ZNF385D: variants seen among roughly 807,000 people sequenced by gnomAD.
ZNF385D encodes the protein zinc finger protein 385D, also known as zinc finger protein 659.
Under a neutral mutation model 35.8 loss-of-function variants are expected in ZNF385D, and 15 were observed. The ratio of observed to expected loss-of-function variants is 0.42; its 90% confidence interval spans 0.28 to 0.64. The LOEUF is 0.64. Among genes scored for constraint, ZNF385D ranks in the 30% least tolerant of loss-of-function variants. The pLI is 0.23. For missense variants in ZNF385D, 474 were observed against 494.6 expected (o/e 0.96, Z 0.39); for synonymous variants, 212 against 186.8 (o/e 1.13, Z -1.10).
intron 3 of ZNF385D, among the ~76,000 whole-genome samples, chr3:22,132,835 A>G (rs1465663792): frequency 1.3e-5 from 2 of 152,114 alleles, no homozygotes; most frequent in African/African-American, 2.4e-5. Context: ...TCTAAAAAAT[A>G]TATCTTATGT....
rs557874730 is a variant in ZNF385D, at chr3:22,035,920, G to A, written c.325+132897C>T. ...TGATAAATGATTAGGGACACAGGTG[G>A]TACTTTCACAGTTTTTTTTTCCAAG... On this transcript the variant is annotated intron_variant, in intron 3 of 5. Transcript: ENST00000494108. 5.5e-4 allele frequency among the ~76,000 whole-genome samples: 82 copies of A among 148,684 alleles called. 1 individual carries two copies. The South Asian group carries it at 0.011, about 20-fold the overall frequency.
In ZNF385D at chr3:21,465,416, A is replaced by G. The variant is rs1364190600; in HGVS notation, c.440-28213T>C. Among the ~76,000 whole-genome samples, 1 of 152,216 alleles carries G rather than the reference A, an allele frequency of 6.6e-6. No homozygotes were observed. Among genetic ancestry groups the G allele is most frequent in the Non-Finnish European group, 1.5e-5 (1 of 68,034 alleles). Reference sequence around the variant, plus strand: ...CTCTTTTCAAGATCAGTTGGAAGAGAAAGTTTCTTCTGCTCTTCCCAAGAG... The same window carrying G: ...CTCTTTTCAAGATCAGTTGGAAGAGGAAGTTTCTTCTGCTCTTCCCAAGAG... On this transcript the variant is annotated intron_variant, in intron 4 of 7. Transcript: ENST00000281523. The surrounding 1 kb of genome is among the most constrained non-coding windows in gnomAD (Gnocchi z 4.2).
intron 3 of ZNF385D, among the ~76,000 whole-genome samples, chr3:22,096,024 GA>G (rs1701602838): frequency 6.6e-6 from 1 of 151,840 alleles, no homozygotes; most frequent in African/African-American, 2.4e-5. Context: ...GGTTACTTTT[GA>G]AAATAAAGAA....
intron 2 of ZNF385D, among the ~76,000 whole-genome samples, chr3:22,346,774 T>C (rs1315588228): frequency 6.6e-6 from 1 of 152,300 alleles, no homozygotes; most frequent in South Asian, 2.1e-4. Context: ...ATACTAATCA[T>C]GAAAATACAG....
intron 2 of ZNF385D, among the ~76,000 whole-genome samples, chr3:22,324,875 G>C (rs558210309): frequency 6.6e-6 from 1 of 152,096 alleles, no homozygotes; most frequent in Admixed American, 6.5e-5. Flanking sequence ...GATTAAAAGA[G>C]AGATCCTACT....
intron 3 of ZNF385D, among the ~76,000 whole-genome samples, chr3:21,829,950 C>T (rs969158858): frequency 2.0e-5 from 3 of 151,810 alleles, no homozygotes; most frequent in Non-Finnish European, 4.4e-5. Context: ...ATGGTGAAAC[C>T]CCATCTCTAC....
At chr3:22,117,804 A>G (rs1055452006) in intron 3 of ZNF385D, among the ~76,000 whole-genome samples, 9 of 152,064 alleles carry the variant, frequency 5.9e-5, no homozygotes, top group African/African-American at 1.9e-4. Flanking sequence ...ACTTTTCTAT[A>G]TTACAGCATT....
At chr3:21,956,363 TTATTA>T (rs1419061389) in intron 3 of ZNF385D, among the ~76,000 whole-genome samples, 2 of 151,310 alleles carry the variant, frequency 1.3e-5, no homozygotes, top group East Asian at 1.9e-4. Context: ...ATTTTCACAC[TTATTA>T]TATTTTATAA....
intron 3 of ZNF385D, among the ~76,000 whole-genome samples, chr3:21,808,933 G>C (rs1004353407): frequency 6.6e-6 from 1 of 152,160 alleles, no homozygotes; most frequent in African/African-American, 2.4e-5. Flanking sequence ...ATTGACATTT[G>C]AACTACAGTT....
intron 2 of ZNF385D, among the ~76,000 whole-genome samples, chr3:22,244,863 T>G (rs950562486): frequency 7.0e-6 from 1 of 143,108 alleles, no homozygotes; most frequent in South Asian, 2.5e-4. Flanking sequence ...GGCTGGCATG[T>G]ACCCAGTCAA....
intron 4 of ZNF385D, among the ~76,000 whole-genome samples, chr3:21,441,065 A>G (rs1701834937): frequency 6.6e-6 from 1 of 152,160 alleles, no homozygotes; most frequent in Non-Finnish European, 1.5e-5. Flanking sequence ...ACTGGGGATA[A>G]GAAGGCCAAT....
At chr3:21,662,636 A>T (rs1262482715) in intron 2 of ZNF385D, among the ~76,000 whole-genome samples, 1 of 152,216 alleles carries the variant, frequency 6.6e-6, no homozygotes, top group African/African-American at 2.4e-5. Flanking sequence ...GTTGGAAGCA[A>T]GGAATGACTT....
intron 3 of ZNF385D, among the ~76,000 whole-genome samples, chr3:21,951,442 T>A (rs1311820023): frequency 6.6e-6 from 1 of 151,700 alleles, no homozygotes; most frequent in Admixed American, 6.6e-5. Context: ...TAAGGAGATT[T>A]GGGGCTGAGA....
chr3:22,343,065 C>G (rs934108157), intron 2 of ZNF385D, among the ~76,000 whole-genome samples: 1 of 152,150 alleles, frequency 6.6e-6, no homozygotes, highest in Non-Finnish European at 1.5e-5. Context: ...AATGATTATA[C>G]GTTTTAACGA....
At chr3:21,635,597 C>G (rs370727321) in intron 2 of ZNF385D, among the ~76,000 whole-genome samples, 18 of 151,936 alleles carry the variant, frequency 1.2e-4, no homozygotes, top group Admixed American at 2.6e-4. Flanking sequence ...TTTGGGGGAA[C>G]AGGGGGTGTT....
chr3:22,179,829 A>T (rs1403126307), intron 2 of ZNF385D, among the ~76,000 whole-genome samples: 2 of 152,206 alleles, frequency 1.3e-5, no homozygotes, highest in East Asian at 1.9e-4. Flanking sequence ...CCACAAGAGA[A>T]AGCAGGAAAG....
intron 3 of ZNF385D, among the ~76,000 whole-genome samples, chr3:22,099,516 C>T (rs1219571967): frequency 1.3e-5 from 2 of 151,936 alleles, no homozygotes; most frequent in Non-Finnish European, 1.5e-5. Context: ...CTAGATTTAT[C>T]CAGAGAGAAT....
chr3:21,997,861 G>A (rs900602535), intron 3 of ZNF385D, among the ~76,000 whole-genome samples: 13 of 75,946 alleles, frequency 1.7e-4, no homozygotes, highest in African/African-American at 2.7e-4. Context: ...TATTTGGCGC[G>A]CGCGCGCGCG....
intron 3 of ZNF385D, among the ~76,000 whole-genome samples, chr3:21,865,655 A>C (rs1055236960): frequency 6.6e-6 from 1 of 152,156 alleles, no homozygotes; most frequent in Admixed American, 6.5e-5. Flanking sequence ...GTAATCTGTT[A>C]AATTAGGTGA....
Sources: gnomAD v4.1 joint callset for allele counts (sites outside exome capture counted in the v4.1 genomes callset) on GRCh38, gnomAD v4.1.1 for gene constraint, Gnocchi (gnomAD v3.1) non-coding constraint, MANE v1.5 for transcripts, NCBI Gene and HGNC (gene_info 2026-07-23, HGNC 2026-07-21) for gene names.